EVC: variants seen among roughly 807,000 people sequenced by gnomAD.
The protein encoded by EVC is EvC ciliary complex subunit 1.
Under a neutral mutation model 118.9 loss-of-function variants are expected in EVC, and 116 were observed. The observed-to-expected ratio is 0.98, with a 90% CI of 0.84 to 1.14. The LOEUF (loss-of-function observed/expected upper bound fraction) is 1.14. EVC is among the 50% of genes most tolerant of loss of function. EVC has a pLI of 0.00. For missense variants in EVC, 1,401 were observed against 1,246.4 expected (o/e 1.12, Z -1.87); for synonymous variants, 619 against 534.7 (o/e 1.16, Z -2.18).
chr4:5,802,970 G>C (rs3821935), intron 16 of EVC, among the ~76,000 whole-genome samples: 108,472 of 152,056 alleles, frequency 0.71, 38,754 homozygotes, highest in South Asian at 0.81. Context: ...TCCTGGTGGT[G>C]AAAGAGACAG....
Position 5,811,211 on chromosome 4 carries a change from C to A in EVC, c.*174C>A. 1.6e-6 allele frequency: 1 copy of A among 618,844 alleles called. No individual in the cohort carries two copies. The highest frequency in any genetic ancestry group is 1.9e-5 in the South Asian group (1 of 53,606). 38.3% of individuals were successfully genotyped at this position (618,844 alleles called of 1,614,324 possible). A position where few individuals can be genotyped will look rare whatever the true frequency, so the allele number is the denominator to read the frequency against. ...GTGCCCTAAAAGCATAAATGAGTAT[C>A]ACCTGAGAAAATTAGGCATTCCCGT... is the stretch of plus-strand genomic sequence containing the variant. On this transcript the variant is annotated 3_prime_UTR_variant, in exon 21 of 21. Coordinates refer to ENST00000264956, the MANE Select transcript of EVC (RefSeq NM_153717.3).
At chr4:5,785,509 A>C (rs750559117) in intron 12 of EVC, among the ~76,000 whole-genome samples, 2 of 152,214 alleles carry the variant, frequency 1.3e-5, no homozygotes, top group African/African-American at 2.4e-5. Context: ...TTATGCAAAC[A>C]CATGACCACT....
chr4:5,737,840 C>T lies in EVC; in HGVS notation c.703-3876C>T, dbSNP rs1019383692. Among the ~76,000 whole-genome samples, 1 of 152,198 alleles carries T rather than the reference C, an allele frequency of 6.6e-6. No homozygotes were observed. The highest frequency in any genetic ancestry group is 1.5e-5 in the Non-Finnish European group (1 of 68,040). On this transcript the variant is annotated intron_variant, in intron 5 of 20. Coordinates refer to ENST00000264956, the MANE Select transcript of EVC (RefSeq NM_153717.3). This position sits in a 1 kb window ranked among gnomAD's most constrained non-coding sequence, Gnocchi z 5.0. ...GTCATTTTCATGCCTGCTAACACAA[C>T]ATTCATTCTGAGCCTATTGATTAAA... is the stretch of plus-strand genomic sequence containing the variant.
At chr4:5,733,173 CA>C (rs1332634678) in intron 4 of EVC, among the ~76,000 whole-genome samples, 177 bp from the exon 5 acceptor site, 1 of 152,112 alleles carries the variant, frequency 6.6e-6, no homozygotes, top group African/African-American at 2.4e-5. Context: ...GGGTTTCAAA[CA>C]GCTCATTTGA....
At chr4:5,729,508 A>G (rs559598572) in intron 3 of EVC, 118 bp downstream of exon 3, 2 of 1,001,960 alleles carry the variant, frequency 2.0e-6, no homozygotes, top group East Asian at 2.4e-5. Context: ...GTTTTATGGC[A>G]AGTCATTTTA....
At chr4:5,750,186 A>G (rs1337920989) in intron 8 of EVC, among the ~76,000 whole-genome samples, 2 of 152,176 alleles carry the variant, frequency 1.3e-5, no homozygotes, top group African/African-American at 4.8e-5. Context: ...CTGGGCCTGA[A>G]GCTTCCTGGT....
chr4:5,808,132 T>TCCCCCCCCCCCCCCCCCCCCCCCC, intron 17 of EVC, 69 bp from the exon 18 acceptor site: 1 of 464,752 alleles, frequency 2.2e-6, no homozygotes, highest in Non-Finnish European at 4.1e-6. Flanking sequence ...GCCTTCCTTC[T>TCCCCCCCCCCCCCCCCCCCCCCCC]CCCTCCCTCC....
intron 2 of EVC, among the ~76,000 whole-genome samples, chr4:5,723,403 C>A (rs562662432): frequency 4.3e-4 from 65 of 152,140 alleles, no homozygotes; most frequent in African/African-American, 1.4e-3. Flanking sequence ...GTTGGTCAGG[C>A]TGGTCTCAAA....
At chr4:5,780,181 A>C (rs954803456) in intron 11 of EVC, among the ~76,000 whole-genome samples, 23 of 152,352 alleles carry the variant, frequency 1.5e-4, no homozygotes, top group Non-Finnish European at 2.9e-4. Context: ...CTTGCATCCC[A>C]GGCATGAAGC....
chr4:5,791,602 A>T (rs11722598), intron 12 of EVC, among the ~76,000 whole-genome samples: 104,206 of 152,024 alleles, frequency 0.69, 36,034 homozygotes, highest in South Asian at 0.81. Context: ...TTAAATATAC[A>T]ACTTAAAAAC....
intron 11 of EVC, among the ~76,000 whole-genome samples, chr4:5,770,877 G>T (rs911183297): frequency 3.3e-5 from 5 of 151,956 alleles, no homozygotes; most frequent in African/African-American, 9.7e-5. Flanking sequence ...GCCAGGTGTC[G>T]TGGGGTGTGC....
chr4:5,767,383 A>G (rs13152564), intron 11 of EVC, among the ~76,000 whole-genome samples: 67,519 of 116,466 alleles, frequency 0.58, 21,855 homozygotes, highest in Middle Eastern at 0.7. Context: ...CGGAGATGGA[A>G]CCTCCAGAGG....
At chr4:5,827,623 C>T in the EVC span, among the ~76,000 whole-genome samples, 1 of 144,444 alleles carries the variant, frequency 6.9e-6, no homozygotes, top group African/African-American at 2.6e-5. Flanking sequence ...CACACGCGCA[C>T]ACACACACAC....
chr4:5,809,107 ATCCAGGG>A (rs2152390599), intron 18 of EVC, among the ~76,000 whole-genome samples: 1 of 152,356 alleles, frequency 6.6e-6, no homozygotes, highest in East Asian at 1.9e-4. Context: ...TTACGTTGCT[ATCCAGGG>A]TCACACAGTT....
chr4:5,773,133 A>G (rs1734236702), intron 11 of EVC, among the ~76,000 whole-genome samples: 1 of 152,186 alleles, frequency 6.6e-6, no homozygotes, highest in Admixed American at 6.5e-5. Flanking sequence ...GACATTTGCA[A>G]AATGAACGTA....
chr4:5,804,587 T>A (rs1307514121), intron 16 of EVC, 143 bp from the exon 17 acceptor site: 2 of 725,598 alleles, frequency 2.8e-6, no homozygotes, highest in Non-Finnish European at 5.0e-6. Flanking sequence ...GTGCACACAA[T>A]GCCCTGTCCC....
chr4:5,760,284 A>G (rs77297572), intron 11 of EVC, among the ~76,000 whole-genome samples: 4,852 of 152,172 alleles, frequency 0.032, 118 homozygotes, highest in Middle Eastern at 0.071. Flanking sequence ...AGAGTTGTCA[A>G]TGATGCCAAA....
chr4:5,793,487 G>A, intron 12 of EVC, 121 bp from the exon 13 acceptor site: 2 of 833,264 alleles, frequency 2.4e-6, no homozygotes, highest in East Asian at 2.7e-5. Flanking sequence ...ATGAAATCGG[G>A]GCAGAAAGGG....
At chr4:5,773,690 T>G (rs764426148) in intron 11 of EVC, among the ~76,000 whole-genome samples, 1 of 152,050 alleles carries the variant, frequency 6.6e-6, no homozygotes, top group Non-Finnish European at 1.5e-5. Flanking sequence ...TCCCTTCCTT[T>G]TTTAAGGGAG....
Sources: gnomAD v4.1 joint callset for allele counts (sites outside exome capture counted in the v4.1 genomes callset) on GRCh38, gnomAD v4.1.1 for gene constraint, Gnocchi (gnomAD v3.1) non-coding constraint, MANE v1.5 for transcripts, NCBI Gene and HGNC (gene_info 2026-07-23, HGNC 2026-07-21) for gene names.